The following KDF1 variants were observed in gnomAD, a reference collection of about 807,000 sequenced individuals.
KDF1 encodes RP11-344H11.3.
Under a neutral mutation model 31.6 loss-of-function variants are expected in KDF1, and 11 were observed. That is an observed-to-expected ratio of 0.35 (90% confidence interval 0.22 to 0.58). KDF1 has a LOEUF of 0.58. KDF1 is among the 20% of genes least tolerant of loss of function. KDF1 has a pLI of 0.83. For missense variants in KDF1, 476 were observed against 549.1 expected (o/e 0.87, Z 1.33); for synonymous variants, 205 against 214.4 (o/e 0.96, Z 0.38).
Position 26,951,264 on chromosome 1 carries a change from C to T in KDF1, c.1039+78G>A. 7.3e-7 allele frequency: 1 copy of T among 1,366,344 alleles called. No homozygotes were observed. The highest frequency in any genetic ancestry group is 9.7e-7 in the Non-Finnish European group (1 of 1,027,234). The allele number at this position is 1,366,344 out of a possible 1,614,324, so 84.6% of individuals were successfully genotyped here. Reference sequence around the variant, plus strand: ...TGGCTGAGGGGTAGACCCACAGTGACTAAAGACCCCATTCCAACCCTCCCC... The same window carrying T: ...TGGCTGAGGGGTAGACCCACAGTGATTAAAGACCCCATTCCAACCCTCCCC... On this transcript the variant is annotated intron_variant, in intron 2 of 3. Coordinates refer to ENST00000320567, the MANE Select transcript of KDF1 (RefSeq NM_152365.3). The surrounding 1 kb of genome is among the most constrained non-coding windows in gnomAD (Gnocchi z 5.4).
intron 1 of KDF1, among the ~76,000 whole-genome samples, chr1:26,953,312 G>A (rs1294285789): frequency 6.6e-6 from 1 of 152,192 alleles, no homozygotes; most frequent in Admixed American, 6.5e-5. Context: ...GTGCATTTCT[G>A]GTGGGAATGT....
chr1:26,958,123 C>T (rs1005592886), intron 1 of KDF1, among the ~76,000 whole-genome samples: 1 of 146,140 alleles, frequency 6.8e-6, no homozygotes, highest in Admixed American at 6.9e-5. Flanking sequence ...GCCAGCTGTT[C>T]TAAATTCTTT....
At chr1:26,959,127 G>A (rs2082389752) in intron 1 of KDF1, among the ~76,000 whole-genome samples, 1 of 152,190 alleles carries the variant, frequency 6.6e-6, no homozygotes, top group Admixed American at 6.5e-5. Context: ...GCAAGAGAGG[G>A]CTGGAGTAAG....
At chr1:26,958,451 T>C (rs1286277114) in intron 1 of KDF1, among the ~76,000 whole-genome samples, 1 of 152,112 alleles carries the variant, frequency 6.6e-6, no homozygotes, top group Admixed American at 6.6e-5. Flanking sequence ...CTAAATTCTA[T>C]GGATAAAGTG....
At chr1:26,953,629 G>T (rs2082362570) in intron 1 of KDF1, among the ~76,000 whole-genome samples, 1 of 152,204 alleles carries the variant, frequency 6.6e-6, no homozygotes, top group African/African-American at 2.4e-5. Flanking sequence ...GAACCTTGAA[G>T]AACTTATGCT....
In KDF1 at chr1:26,951,693, C is replaced by T. The variant is rs1489929248; in HGVS notation, c.688G>A (p.Gly230Ser). The change falls in exon 2 of 4, where the codon GGC (glycine) becomes AGC (serine). Residue 230 changes from glycine to serine, a missense_variant. Physicochemically the swap from Gly to Ser is moderately conservative, Grantham distance 56 (BLOSUM62 0). Coordinates refer to ENST00000320567, the MANE Select transcript of KDF1 (RefSeq NM_152365.3). The surrounding 1 kb of genome is among the most constrained non-coding windows in gnomAD (Gnocchi z 5.4). The part of the protein sequence containing the change: ...HESDLDLPEM[G>S]SGSMSSREID... ...TCTCGGCTCGACATGGAGCCACTGC[C>T]CATCTCCGGCAGGTCCAGGTCCGAC... The T allele has an allele frequency of 6.2e-6, 10 of 1,613,790 alleles. No homozygotes were observed. The highest frequency in any genetic ancestry group is 8.5e-6 in the Non-Finnish European group (10 of 1,180,038).
intron 1 of KDF1, among the ~76,000 whole-genome samples, chr1:26,959,589 G>T (rs1449501563): frequency 6.6e-6 from 1 of 152,094 alleles, no homozygotes; most frequent in Admixed American, 6.5e-5. Context: ...CTAAGGCACC[G>T]CAAGGATGTT....
chr1:26,952,167 G>A lies in KDF1; in HGVS notation c.214C>T (p.Pro72Ser), dbSNP rs773781837. Reference sequence around the variant, plus strand: ...GGTCGCCAGAGCAGGCAGCAGGTGGGGGACTCAAGGGCCGGCTCAGCAGAG... The same window carrying A: ...GGTCGCCAGAGCAGGCAGCAGGTGGAGGACTCAAGGGCCGGCTCAGCAGAG... Reference protein sequence around the residue: ...SGSAEPALESPTCCLLWRPWV... With the variant: ...SGSAEPALESSTCCLLWRPWV... Residue 72 changes from proline to serine, a missense_variant, in exon 2 of 4, where the codon CCC becomes TCC. Transcript: ENST00000320567. This position sits in a 1 kb window ranked among gnomAD's most constrained non-coding sequence, Gnocchi z 4.1. The A allele has an allele frequency of 4.3e-6, 7 of 1,613,562 alleles. No individual in the cohort carries two copies. Among genetic ancestry groups the A allele is most frequent in the Non-Finnish European group, 5.9e-6 (7 of 1,179,822 alleles).
At chr1:26,958,199 G>A (rs564166680) in intron 1 of KDF1, among the ~76,000 whole-genome samples, 7 of 128,740 alleles carry the variant, frequency 5.4e-5, no homozygotes, top group African/African-American at 1.2e-4. Context: ...GTGCAGTGGC[G>A]TGGTCTTGGC....
chr1:26,951,197 G>A lies in KDF1; in HGVS notation c.1039+145C>T. ...GGGCCAGAGTGGGAGCTGGGGAGAG[G>A]GGATGCAAGAGTTGACAGAAAGGAG... On this transcript the variant is annotated intron_variant, in intron 2 of 3. Transcript: ENST00000320567. This position sits in a 1 kb window ranked among gnomAD's most constrained non-coding sequence, Gnocchi z 5.4. The A allele has an allele frequency of 1.1e-6, 1 of 908,348 alleles. No homozygotes were observed. Among genetic ancestry groups the A allele is most frequent in the South Asian group, 1.8e-5 (1 of 55,712 alleles). 56.3% of individuals were successfully genotyped at this position (908,348 alleles called of 1,614,324 possible).
chr1:26,949,577 C>T lies in KDF1; in HGVS notation c.*492G>A, dbSNP rs1001562777. The T allele has an allele frequency of 6.3e-6, 1 of 159,272 alleles. No individual in the cohort carries two copies. The highest frequency in any genetic ancestry group is 6.1e-5 in the Admixed American group (1 of 16,452). 9.9% of individuals were successfully genotyped at this position (159,272 alleles called of 1,614,324 possible). ...CAGATACCAATTACCTTTGTACTTA[C>T]AAACTGTGGTCATGTTAAGATACAG... On this transcript the variant is annotated 3_prime_UTR_variant, in exon 4 of 4. Transcript: ENST00000320567.
chr1:26,953,551 T>C (rs1006818408), intron 1 of KDF1, among the ~76,000 whole-genome samples: 10 of 152,194 alleles, frequency 6.6e-5, no homozygotes, highest in African/African-American at 2.4e-4. Flanking sequence ...ATGTGGTATA[T>C]ACATACAATG....
chr1:26,952,983 C>CAA lies in KDF1; in HGVS notation c.-32-573_-32-572dup. Among the ~76,000 whole-genome samples the CAA allele has an allele frequency of 8.8e-6, 1 of 113,062 alleles. No individual in the cohort carries two copies. The highest frequency in any genetic ancestry group is 9.3e-5 in the Admixed American group (1 of 10,728). 74.2% of individuals were successfully genotyped at this position (113,062 alleles called of 152,430 possible). On this transcript the variant is annotated intron_variant, in intron 1 of 3. Transcript: ENST00000320567. The surrounding 1 kb of genome is among the most constrained non-coding windows in gnomAD (Gnocchi z 4.1). ...TGGGCAACAGGGCGAGACTGTGTCT[C>CAA]AAAAAAAAAAAAGAAAGAAAAAGAA...
Position 26,950,557 on chromosome 1 carries a change from C to A in KDF1, c.1114+125G>T. The A allele has an allele frequency of 1.2e-6, 1 of 805,830 alleles. No individual in the cohort carries two copies. Among genetic ancestry groups the A allele is most frequent in the Non-Finnish European group, 2.1e-6 (1 of 479,446 alleles). The allele number at this position is 805,830 out of a possible 1,614,324, so 49.9% of individuals were successfully genotyped here. A position where few individuals can be genotyped will look rare whatever the true frequency, so the allele number is the denominator to read the frequency against. On this transcript the variant is annotated intron_variant, in intron 3 of 3. Coordinates refer to ENST00000320567, the MANE Select transcript of KDF1 (RefSeq NM_152365.3). This position sits in a 1 kb window ranked among gnomAD's most constrained non-coding sequence, Gnocchi z 4.0. Reference sequence around the variant, plus strand: ...CTAGATGGAGACAGGTCTGTGGCTGCTTAGGTCCCCGTCCCTTTTTGATGT... The same window carrying A: ...CTAGATGGAGACAGGTCTGTGGCTGATTAGGTCCCCGTCCCTTTTTGATGT...
intron 1 of KDF1, among the ~76,000 whole-genome samples, chr1:26,953,969 A>C (rs1355813428): frequency 7.0e-6 from 1 of 143,150 alleles, no homozygotes; most frequent in African/African-American, 2.4e-5. Context: ...AAAAAAAAAA[A>C]AAGACAAATA....
rs780155303 is a variant in KDF1, at chr1:26,951,432, C to T, written c.949G>A (p.Glu317Lys). ...GCAGCAGCCCGAGTTGAACGACCCT[C>T]CGAGGTCTGTGGGCGAGCACGGCTC... is the stretch of plus-strand genomic sequence containing the variant. ...RKSRARPQTS[E>K]GRSTRAAAPT... The change falls in exon 2 of 4, where the codon GAG becomes AAG. Residue 317 changes from glutamate to lysine, a missense_variant. Transcript: ENST00000320567. The surrounding 1 kb of genome is among the most constrained non-coding windows in gnomAD (Gnocchi z 5.4). 9 of 1,613,362 alleles carry T rather than the reference C, an allele frequency of 5.6e-6. No homozygotes were observed. The highest frequency in any genetic ancestry group is 7.6e-6 in the Non-Finnish European group (9 of 1,179,658).
At chr1:26,957,007 GC>G (rs1486466904) in intron 1 of KDF1, among the ~76,000 whole-genome samples, 1 of 152,142 alleles carries the variant, frequency 6.6e-6, no homozygotes, top group Non-Finnish European at 1.5e-5. Context: ...GCTCAATGAA[GC>G]CTCAAACAAC....
chr1:26,959,706 C>T (rs1478839801), intron 1 of KDF1, among the ~76,000 whole-genome samples: 1 of 151,318 alleles, frequency 6.6e-6, no homozygotes, highest in African/African-American at 2.4e-5. Context: ...GGTCTATGTA[C>T]CGTCCCCTCC....
Position 26,954,856 on chromosome 1 carries a change from T to A in KDF1, c.-32-2444A>T, listed in dbSNP as rs1229023805. Among the ~76,000 whole-genome samples, 4 of 143,624 alleles carry A rather than the reference T, an allele frequency of 2.8e-5. 1 individual carries two copies. Among genetic ancestry groups the A allele is most frequent in the Admixed American group, 1.4e-4 (2 of 14,524 alleles). The allele number at this position is 143,624 out of a possible 152,430, so 94.2% of individuals were successfully genotyped here. On this transcript the variant is annotated intron_variant, in intron 1 of 3. Coordinates refer to ENST00000320567, the MANE Select transcript of KDF1 (RefSeq NM_152365.3). Reference sequence around the variant, plus strand: ...GTCTCAAAAAAAAAAAAAAAGTTAATAAGTTACCTTTTTTTTTTTTGAGAT... The same window carrying A: ...GTCTCAAAAAAAAAAAAAAAGTTAAAAAGTTACCTTTTTTTTTTTTGAGAT...
Sources: gnomAD v4.1 joint callset for allele counts (sites outside exome capture counted in the v4.1 genomes callset) on GRCh38, gnomAD v4.1.1 for gene constraint, Gnocchi (gnomAD v3.1) non-coding constraint, MANE v1.5 for transcripts, NCBI Gene and HGNC (gene_info 2026-07-23, HGNC 2026-07-21) for gene names.